OSBPL8: variants seen among roughly 807,000 people sequenced by gnomAD.
OSBPL8 encodes oxysterol binding protein like 8.
OSBPL8 carries 59 observed loss-of-function variants against 125.5 expected under a neutral mutation model. The ratio of observed to expected loss-of-function variants is 0.47; its 90% CI spans 0.38 to 0.58. The LOEUF (loss-of-function observed/expected upper bound fraction) is 0.58, where lower values mean the gene tolerates loss of function less well. Ranked by LOEUF, OSBPL8 falls within the 20% of genes least tolerant of loss-of-function variation. The pLI is 0.00. For missense variants in OSBPL8, 758 were observed against 1,047.8 expected (o/e 0.72, Z 3.82); for synonymous variants, 330 against 338.9 (o/e 0.97, Z 0.29).
intron 4 of OSBPL8, among the ~76,000 whole-genome samples, chr12:76,427,442 T>TA (rs1870281977): frequency 6.6e-6 from 1 of 151,918 alleles, no homozygotes; most frequent in South Asian, 2.1e-4. Flanking sequence ...CATCTATAAT[T>TA]AAAAGAAAAC....
chr12:76,370,453 T>G (rs1382730464), intron 19 of OSBPL8, among the ~76,000 whole-genome samples: 1 of 152,310 alleles, frequency 6.6e-6, no homozygotes, highest in South Asian at 2.1e-4. Context: ...ATCCTACCCA[T>G]CTAGAAAGGC....
At chr12:76,504,951 G>C (rs1005101276) in intron 1 of OSBPL8, among the ~76,000 whole-genome samples, 5 of 152,210 alleles carry the variant, frequency 3.3e-5, no homozygotes, top group African/African-American at 1.2e-4. Flanking sequence ...CCCAGGCGTG[G>C]ACTCAGCACA....
At chr12:76,451,916 C>T (rs1323533392) in intron 3 of OSBPL8, among the ~76,000 whole-genome samples, 3 of 152,048 alleles carry the variant, frequency 2.0e-5, no homozygotes, top group Non-Finnish European at 4.4e-5. Context: ...GCCAGGAGTT[C>T]GAGACCATCC....
intron 4 of OSBPL8, among the ~76,000 whole-genome samples, chr12:76,440,871 A>G (rs1054572522): frequency 1.5e-4 from 23 of 152,242 alleles, no homozygotes; most frequent in Middle Eastern, 3.4e-3. Flanking sequence ...AGAGCTCATC[A>G]CCTCTAGAGT....
chr12:76,507,124 G>A (rs998399902), intron 1 of OSBPL8, among the ~76,000 whole-genome samples: 2 of 151,732 alleles, frequency 1.3e-5, no homozygotes, highest in Non-Finnish European at 2.9e-5. Context: ...TGAATTCAAA[G>A]TATAAAGAAG....
In OSBPL8 at chr12:76,528,052, G is replaced by A. The variant is rs560200007; in HGVS notation, c.-68+31345C>T. Among the ~76,000 whole-genome samples, 7 of 152,282 alleles carry A rather than the reference G, an allele frequency of 4.6e-5. No homozygotes were observed. In the East Asian group the frequency reaches 9.7e-4, roughly 21 times the overall value. On this transcript the variant is annotated intron_variant, in intron 1 of 23. Coordinates refer to ENST00000261183, the MANE Select transcript of OSBPL8 (RefSeq NM_020841.5). ...TAAGCATTATTGTTGGCCAGGCACG[G>A]TGGCTCACACCTGTAATCCCAGCAC...
Position 76,352,372 on chromosome 12 carries a change from A to C in OSBPL8, c.*3517T>G, listed in dbSNP as rs1951856049. 6.6e-6 allele frequency: 1 copy of C among 152,582 alleles called. No homozygotes were observed. The highest frequency in any genetic ancestry group is 2.4e-5 in the African/African-American group (1 of 41,450). 9.5% of individuals were successfully genotyped at this position (152,582 alleles called of 1,614,324 possible). On this transcript the variant is annotated 3_prime_UTR_variant, in exon 24 of 24. Transcript: ENST00000261183. Reference sequence around the variant, plus strand: ...TGGTCCTATACAATTTCAACAGTCCATCTTCAATTAAAAACTAACAAAAAT... The same window carrying C: ...TGGTCCTATACAATTTCAACAGTCCCTCTTCAATTAAAAACTAACAAAAAT...
intron 4 of OSBPL8, among the ~76,000 whole-genome samples, chr12:76,436,736 T>A (rs764284372): frequency 9.9e-5 from 15 of 152,066 alleles, no homozygotes; most frequent in African/African-American, 3.6e-4. Flanking sequence ...GTCCACAAAC[T>A]ATACCTTTGA....
chr12:76,421,897 A>G (rs1246149076), intron 4 of OSBPL8, among the ~76,000 whole-genome samples: 1 of 152,000 alleles, frequency 6.6e-6, no homozygotes, highest in Non-Finnish European at 1.5e-5. Context: ...ATATAACCCT[A>G]AAAATATCAT....
At position 76,389,640 on chromosome 12, in the gene OSBPL8, C is replaced by T; in HGVS notation, c.1352+5G>A. On this transcript the variant is annotated splice_donor_5th_base_variant and intron_variant, in intron 12 of 23. Transcript: ENST00000261183. ...GTCTATTTTAAGAAATAAGAATCTA[C>T]TTACTCAGATAGGAAATCTGCATGA... 1 of 1,536,154 alleles carries T rather than the reference C, an allele frequency of 6.5e-7. No individual in the cohort carries two copies. The highest frequency in any genetic ancestry group is 8.8e-7 in the Non-Finnish European group (1 of 1,135,626).
intron 1 of OSBPL8, among the ~76,000 whole-genome samples, chr12:76,517,516 G>T (rs907826164): frequency 1.3e-5 from 2 of 151,814 alleles, no homozygotes; most frequent in Admixed American, 6.6e-5. Context: ...TAAAAAACAG[G>T]CTATAATTTG....
intron 4 of OSBPL8, among the ~76,000 whole-genome samples, chr12:76,418,706 C>A (rs1869058822): frequency 6.6e-6 from 1 of 151,948 alleles, no homozygotes; most frequent in African/African-American, 2.4e-5. Flanking sequence ...GTAGCACATG[C>A]CTGTAATCCC....
At chr12:76,533,494 G>A (rs1227909678) in intron 1 of OSBPL8, among the ~76,000 whole-genome samples, 1 of 152,152 alleles carries the variant, frequency 6.6e-6, no homozygotes, top group Non-Finnish European at 1.5e-5. Context: ...GCAGCTGACT[G>A]ATGTTTCCAT....
At chr12:76,420,272 A>G (rs988307700) in intron 4 of OSBPL8, among the ~76,000 whole-genome samples, 4 of 152,150 alleles carry the variant, frequency 2.6e-5, no homozygotes, top group African/African-American at 9.7e-5. Context: ...AAAATATACA[A>G]AACAACTATG....
intron 4 of OSBPL8, 103 bp downstream of exon 4, chr12:76,450,748 A>T: frequency 8.1e-7 from 1 of 1,239,802 alleles, no homozygotes; most frequent in Non-Finnish European, 1.1e-6. Flanking sequence ...CCAAATAGTT[A>T]AAAAGAAAAA....
At chr12:76,487,741 TAA>T in intron 1 of OSBPL8, 123 bp from the exon 2 acceptor site, 1 of 387,656 alleles carries the variant, frequency 2.6e-6, no homozygotes, top group African/African-American at 2.1e-5. Context: ...ATTCAATAAT[TAA>T]AAAAAAAATT....
At chr12:76,403,459 G>C (rs1414562244) in intron 5 of OSBPL8, among the ~76,000 whole-genome samples, 2 of 152,174 alleles carry the variant, frequency 1.3e-5, no homozygotes, top group Non-Finnish European at 2.9e-5. Flanking sequence ...GGGAAGCTCA[G>C]GAAGGTTGAT....
intron 4 of OSBPL8, among the ~76,000 whole-genome samples, chr12:76,445,146 C>T (rs969077447): frequency 2.0e-5 from 3 of 152,012 alleles, no homozygotes; most frequent in African/African-American, 7.2e-5. Context: ...TGTTGGAGGG[C>T]AAGGTTCTAA....
chr12:76,518,293 C>T (rs4635130), intron 1 of OSBPL8, among the ~76,000 whole-genome samples: 67,338 of 152,104 alleles, frequency 0.44, 15,573 homozygotes, highest in African/African-American at 0.52. Flanking sequence ...AAAACTCCAA[C>T]ATAATCCTTG....
Sources: gnomAD v4.1 joint callset for allele counts (sites outside exome capture counted in the v4.1 genomes callset) on GRCh38, gnomAD v4.1.1 for gene constraint, MANE v1.5 for transcripts, NCBI Gene and HGNC (gene_info 2026-07-23, HGNC 2026-07-21) for gene names.